The following FAM222A variants were observed in gnomAD, a reference collection of about 807,000 sequenced individuals.
The protein encoded by FAM222A is protein FAM222A.
Under a neutral mutation model 25.8 loss-of-function variants are expected in FAM222A, and 7 were observed. The ratio of observed to expected loss-of-function variants is 0.27; its 90% CI spans 0.15 to 0.51. The LOEUF (loss-of-function observed/expected upper bound fraction) is 0.51, where lower values mean the gene tolerates loss of function less well. Ranked by LOEUF, FAM222A falls within the 20% of genes least tolerant of loss-of-function variation. FAM222A has a pLI of 0.97. For missense variants in FAM222A, 573 were observed against 640.5 expected (o/e 0.89, Z 1.14); for synonymous variants, 294 against 298.8 (o/e 0.98, Z 0.17).
intron 1 of FAM222A, among the ~76,000 whole-genome samples, chr12:109,740,918 G>A (rs961318037): frequency 1.3e-5 from 2 of 152,196 alleles, no homozygotes; most frequent in Non-Finnish European, 2.9e-5. Context: ...ATCTGAGTTC[G>A]AACGGATCAG....
At chr12:109,753,912 G>A (rs1024051417) in intron 2 of FAM222A, among the ~76,000 whole-genome samples, 2 of 152,210 alleles carry the variant, frequency 1.3e-5, no homozygotes, top group Admixed American at 6.5e-5. Context: ...CTATTGCTGA[G>A]TGCAGCCTGA....
chr12:109,769,547 T>G lies in FAM222A; in HGVS notation c.*259T>G, dbSNP rs1049343141. The G allele has an allele frequency of 4.5e-5, 24 of 527,656 alleles. No homozygotes were observed. Among genetic ancestry groups the G allele is most frequent in the East Asian group, 9.3e-5 (3 of 32,418 alleles). The allele number at this position is 527,656 out of a possible 1,614,324, so 32.7% of individuals were successfully genotyped here. On this transcript the variant is annotated 3_prime_UTR_variant, in exon 3 of 3. Transcript: ENST00000538780. ...GGGGCAGCCACTGACGCCCATGCCT[T>G]CCTTTATCTAAGCTGGCAGAGGCAG... is the stretch of plus-strand genomic sequence containing the variant.
At chr12:109,744,032 G>T (rs867704504) in intron 1 of FAM222A, 69 bp from the exon 2 acceptor site, 2 of 1,459,068 alleles carry the variant, frequency 1.4e-6, no homozygotes, top group Admixed American at 2.4e-5. Context: ...GGAGACTCCC[G>T]GGGGGAATGG....
Position 109,768,092 on chromosome 12 carries a change from A to C in FAM222A, c.163A>C (p.Asn55His), listed in dbSNP as rs79746358. 1 of 1,613,958 alleles carries C rather than the reference A, an allele frequency of 6.2e-7. No individual in the cohort carries two copies. Among genetic ancestry groups the C allele is most frequent in the South Asian group, 1.1e-5 (1 of 91,082 alleles). The stretch of plus-strand genomic sequence containing the variant: ...GGACGCCTATGCCGAGAAGGTGGCC[A>C]ACAGCCCGCTGTCCATCAAGATCTT... ...ELDAYAEKVA[N>H]SPLSIKIFPT... Residue 55 changes from asparagine (N) to histidine (H), a missense_variant, in exon 3 of 3, where the codon AAC becomes CAC. Physicochemically the swap from Asn to His is moderately conservative, Grantham distance 68 (BLOSUM62 1). Coordinates refer to ENST00000538780, the MANE Select transcript of FAM222A (RefSeq NM_032829.3).
At chr12:109,760,337 C>G (rs1383653190) in intron 2 of FAM222A, among the ~76,000 whole-genome samples, 1 of 152,120 alleles carries the variant, frequency 6.6e-6, no homozygotes, top group African/African-American at 2.4e-5. Flanking sequence ...CCCTAAAGGA[C>G]CAGTGAGGCT....
intron 1 of FAM222A, among the ~76,000 whole-genome samples, chr12:109,715,212 T>C (rs1887620086): frequency 6.7e-6 from 1 of 149,912 alleles, no homozygotes. Flanking sequence ...TCCAGTGTCT[T>C]GGAAGGGCTG....
intron 1 of FAM222A, among the ~76,000 whole-genome samples, chr12:109,733,185 G>A (rs1357650456): frequency 6.6e-6 from 1 of 152,174 alleles, no homozygotes; most frequent in Non-Finnish European, 1.5e-5. Flanking sequence ...CATTTGCAGT[G>A]AGGCAAGTCT....
In FAM222A at chr12:109,718,456, C is replaced by T. The variant is rs1284245513; in HGVS notation, c.-47+3559C>T. Among the ~76,000 whole-genome samples, 9 of 152,320 alleles carry T rather than the reference C, an allele frequency of 5.9e-5. No homozygotes were observed. The East Asian group carries it at 1.7e-3, about 29-fold the overall frequency. On this transcript the variant is annotated intron_variant, in intron 1 of 2. Coordinates refer to ENST00000538780, the MANE Select transcript of FAM222A (RefSeq NM_032829.3). ...GGAAGGCAGCGAAGCAGCTCATATT[C>T]ATGAACCGTAATTCAATCAGGCGGC...
intron 2 of FAM222A, among the ~76,000 whole-genome samples, chr12:109,748,836 C>A (rs959948760): frequency 6.6e-6 from 1 of 151,952 alleles, no homozygotes. Context: ...AGTAATTATT[C>A]TTTTCTGGTT....
intron 2 of FAM222A, among the ~76,000 whole-genome samples, chr12:109,763,485 A>G (rs1888956299): frequency 6.6e-6 from 1 of 152,132 alleles, no homozygotes; most frequent in Non-Finnish European, 1.5e-5. Context: ...CTCTCATCCA[A>G]AGGCCTGACT....
At chr12:109,748,330 CTTTCT>C (rs1471357276) in intron 2 of FAM222A, among the ~76,000 whole-genome samples, 6 of 40,444 alleles carry the variant, frequency 1.5e-4, no homozygotes, top group East Asian at 1.7e-3. Context: ...CTTTGGTTTT[CTTTCT>C]TTTTTTTTTT....
chr12:109,768,158 C>T lies in FAM222A; in HGVS notation c.229C>T (p.Arg77Cys), dbSNP rs146163512. The change falls in exon 3 of 3, where the codon CGC becomes TGC. Residue 77 changes from arginine to cysteine, a missense_variant. By Grantham distance (180) the Arg-to-Cys change is radical. Coordinates refer to ENST00000538780, the MANE Select transcript of FAM222A (RefSeq NM_032829.3). ...TGTGCCCCAGCACAAGCACCTCAGCCGCACAGTCAATGGCTATGACACCAG... is the reference window on the plus strand; with the variant it reads ...TGTGCCCCAGCACAAGCACCTCAGCTGCACAGTCAATGGCTATGACACCAG... ...IRVPQHKHLS[R>C]TVNGYDTSGQ... 60 of 1,613,806 alleles carry T rather than the reference C, an allele frequency of 3.7e-5. No homozygotes were observed. The highest frequency in any genetic ancestry group is 5.0e-5 in the Admixed American group (3 of 60,010).
intron 1 of FAM222A, among the ~76,000 whole-genome samples, chr12:109,732,088 G>A (rs1381963522): frequency 6.6e-6 from 1 of 152,144 alleles, no homozygotes; most frequent in African/African-American, 2.4e-5. Context: ...CTCGGTGGTT[G>A]AGAGTGCAGG....
chr12:109,730,971 C>G (rs1021485167), intron 1 of FAM222A, among the ~76,000 whole-genome samples: 1 of 152,124 alleles, frequency 6.6e-6, no homozygotes, highest in Non-Finnish European at 1.5e-5. Flanking sequence ...TGCATGTGTT[C>G]ATCACCGGCT....
At chr12:109,724,301 G>A (rs1469246763) in intron 1 of FAM222A, among the ~76,000 whole-genome samples, 1 of 152,246 alleles carries the variant, frequency 6.6e-6, no homozygotes, top group Non-Finnish European at 1.5e-5. Context: ...GGCTTGGTGT[G>A]GAGTGGGCAT....
At chr12:109,752,375 C>G (rs970910859) in intron 2 of FAM222A, among the ~76,000 whole-genome samples, 2 of 152,248 alleles carry the variant, frequency 1.3e-5, no homozygotes, top group African/African-American at 2.4e-5. Context: ...GAATTGGGTG[C>G]CCTGCTGCTG....
chr12:109,724,621 C>T (rs1398174596), intron 1 of FAM222A, among the ~76,000 whole-genome samples: 3 of 152,204 alleles, frequency 2.0e-5, no homozygotes, highest in Non-Finnish European at 2.9e-5. Flanking sequence ...TGCCAGGGTT[C>T]GATTCTCATG....
At position 109,769,637 on chromosome 12, in the gene FAM222A, C is replaced by G. The variant is rs997522926; in HGVS notation, c.*349C>G. 1 of 306,510 alleles carries G rather than the reference C, an allele frequency of 3.3e-6. No individual in the cohort carries two copies. Among genetic ancestry groups the G allele is most frequent in the African/African-American group, 2.2e-5 (1 of 46,468 alleles). 19.0% of individuals were successfully genotyped at this position (306,510 alleles called of 1,614,324 possible). A position where few individuals can be genotyped will look rare whatever the true frequency, so the allele number is the denominator to read the frequency against. On this transcript the variant is annotated 3_prime_UTR_variant, in exon 3 of 3. Coordinates refer to ENST00000538780, the MANE Select transcript of FAM222A (RefSeq NM_032829.3). ...GGGCCTCCTGGGACAGGGGCCCAGG[C>G]CAAGGTGGGGTGCAGGAGGAAACAG...
chr12:109,766,616 G>T (rs2136388560), intron 2 of FAM222A, among the ~76,000 whole-genome samples: 1 of 152,320 alleles, frequency 6.6e-6, no homozygotes, highest in Non-Finnish European at 1.5e-5. Flanking sequence ...TCACAGGTGA[G>T]GAAGGAAGGC....
Sources: gnomAD v4.1 joint callset for allele counts (sites outside exome capture counted in the v4.1 genomes callset) on GRCh38, gnomAD v4.1.1 for gene constraint, MANE v1.5 for transcripts, NCBI Gene and HGNC (gene_info 2026-07-23, HGNC 2026-07-21) for gene names.